DCC: variants seen among roughly 807,000 people sequenced by gnomAD.
DCC encodes netrin receptor DCC.
DCC carries 58 observed loss-of-function variants against 172.5 expected under a neutral mutation model. That is an observed-to-expected ratio of 0.34 (90% confidence interval 0.27 to 0.42). The LOEUF is 0.42. Ranked by LOEUF, DCC falls within the 10% of genes least tolerant of loss-of-function variation. The probability of loss-of-function intolerance (pLI) is 1.00; values close to 1 mark genes in which losing one functional copy is unlikely to be tolerated. For synonymous variants in DCC, 709 were observed against 644.5 expected (o/e 1.10, Z -1.52); for missense variants, 1,740 against 1,791.0 (o/e 0.97, Z 0.51).
At chr18:52,797,268 G>A (rs1360400290) in intron 2 of DCC, among the ~76,000 whole-genome samples, 2 of 151,890 alleles carry the variant, frequency 1.3e-5, no homozygotes, top group African/African-American at 4.8e-5. Flanking sequence ...TCCTGTTTTG[G>A]GGATCTGTTA....
At chr18:53,123,090 G>A (rs1409732372) in intron 7 of DCC, among the ~76,000 whole-genome samples, 2 of 152,052 alleles carry the variant, frequency 1.3e-5, no homozygotes, top group African/African-American at 4.8e-5. Context: ...CACCATGGGA[G>A]ACAGATGTTC....
intron 15 of DCC, among the ~76,000 whole-genome samples, chr18:53,342,712 A>G (rs1301579260): frequency 6.8e-6 from 1 of 146,980 alleles, no homozygotes; most frequent in Non-Finnish European, 1.5e-5. Context: ...AGGAATATAC[A>G]TATATTAGAA....
chr18:53,114,981 C>T (rs1438826997), intron 7 of DCC, among the ~76,000 whole-genome samples: 3 of 151,632 alleles, frequency 2.0e-5, no homozygotes, highest in African/African-American at 7.3e-5. Flanking sequence ...GCATTCTCTG[C>T]GTTGAAAGCT....
At chr18:53,054,185 G>T (rs1383884179) in intron 5 of DCC, among the ~76,000 whole-genome samples, 1 of 151,958 alleles carries the variant, frequency 6.6e-6, no homozygotes, top group East Asian at 1.9e-4. Flanking sequence ...TTATTAAGCT[G>T]CATTTACATA....
intron 12 of DCC, among the ~76,000 whole-genome samples, chr18:53,238,810 C>T (rs1010276083): frequency 2.0e-5 from 3 of 152,040 alleles, no homozygotes; most frequent in Admixed American, 6.6e-5. Context: ...GGTAAATTTT[C>T]CTACATAAAG....
chr18:53,375,616 C>CT (rs1555660824), intron 15 of DCC, among the ~76,000 whole-genome samples: 35,434 of 122,728 alleles, frequency 0.29, 4,872 homozygotes, highest in East Asian at 0.45. Context: ...ATATTTAATT[C>CT]TTTTTTTTTT....
Position 52,923,875 on chromosome 18 carries a change from C to CT in DCC, c.848+24dup, listed in dbSNP as rs765196875. ...CAACTCAGGTATTTCACATTTAAGACTTTTTTGTAAAGTGTACTTTTGTAT... is the reference window on the plus strand; with the variant it reads ...CAACTCAGGTATTTCACATTTAAGACTTTTTTTGTAAAGTGTACTTTTGTAT... On this transcript the variant is annotated intron_variant, in intron 4 of 28. Transcript: ENST00000442544. 38 of 1,600,430 alleles carry CT rather than the reference C, an allele frequency of 2.4e-5. No individual in the cohort carries two copies. The highest frequency in any genetic ancestry group is 3.0e-5 in the Non-Finnish European group (35 of 1,167,982).
At chr18:52,538,983 C>T (rs2032363777) in intron 1 of DCC, among the ~76,000 whole-genome samples, 1 of 152,108 alleles carries the variant, frequency 6.6e-6, no homozygotes, top group Admixed American at 6.5e-5. Context: ...GGCTGATAGA[C>T]ATGTGAGTAA....
rs1352966364 is a variant in DCC at position 53,531,961 on chromosome 18, T to TA, written c.*1309dup. On this transcript the variant is annotated 3_prime_UTR_variant, in exon 29 of 29. Coordinates refer to ENST00000442544, the MANE Select transcript of DCC (RefSeq NM_005215.4). ...TTAAACTTCTATTGCCATGTTTATC[T>TA]ACAGCTTGGAACTAGCTAAAATTAA... 1 of 152,218 alleles carries TA rather than the reference T, an allele frequency of 6.6e-6. No homozygotes were observed. Among genetic ancestry groups the TA allele is most frequent in the Non-Finnish European group, 1.5e-5 (1 of 68,034 alleles). The allele number at this position is 152,218 out of a possible 1,614,324, so 9.4% of individuals were successfully genotyped here.
intron 2 of DCC, among the ~76,000 whole-genome samples, chr18:52,775,996 G>A (rs1463106683): frequency 6.6e-6 from 1 of 152,166 alleles, no homozygotes; most frequent in African/African-American, 2.4e-5. Context: ...CAGCACAATA[G>A]GGAACTTCTT....
At chr18:52,514,736 T>C (rs1005284366) in intron 1 of DCC, among the ~76,000 whole-genome samples, 2 of 152,228 alleles carry the variant, frequency 1.3e-5, no homozygotes, top group African/African-American at 4.8e-5. Flanking sequence ...TGTGATTGGC[T>C]CATTACCATT....
chr18:53,452,852 T>C (rs541406539), intron 23 of DCC, among the ~76,000 whole-genome samples: 3 of 152,000 alleles, frequency 2.0e-5, no homozygotes, highest in Non-Finnish European at 2.9e-5. Flanking sequence ...AAAAAGAAAA[T>C]GTTTCCTTCA....
At chr18:52,409,302 A>T (rs1986763407) in intron 1 of DCC, 1 of 152,168 alleles carries the variant, frequency 6.6e-6, no homozygotes, top group Admixed American at 6.6e-5. Context: ...TTCTGTTGTG[A>T]TTCAGAGTAG....
intron 2 of DCC, among the ~76,000 whole-genome samples, chr18:52,842,480 C>G (rs945323056): frequency 2.0e-5 from 3 of 152,134 alleles, no homozygotes; most frequent in Admixed American, 6.6e-5. Context: ...TATTAAGGCC[C>G]TTAATGGATT....
chr18:52,590,159 GT>G (rs1290417593), intron 1 of DCC, among the ~76,000 whole-genome samples: 2 of 1,842 alleles, frequency 1.1e-3, no homozygotes, highest in Non-Finnish European at 0.01. Context: ...GGTATAAATG[GT>G]GTGTGTGTGT....
chr18:52,821,287 C>T (rs2038402914), intron 2 of DCC, among the ~76,000 whole-genome samples: 3 of 152,156 alleles, frequency 2.0e-5, no homozygotes, highest in Admixed American at 6.5e-5. Context: ...AACATACATT[C>T]CACATGCCCT....
intron 5 of DCC, among the ~76,000 whole-genome samples, chr18:52,990,386 C>A: frequency 6.6e-6 from 1 of 151,720 alleles, no homozygotes; most frequent in South Asian, 2.1e-4. Flanking sequence ...ACTAAAAATA[C>A]AAAGTCAGCC....
chr18:53,419,270 A>G (rs1910494466), intron 21 of DCC, among the ~76,000 whole-genome samples: 1 of 152,190 alleles, frequency 6.6e-6, no homozygotes, highest in Non-Finnish European at 1.5e-5. Flanking sequence ...CATCCCTTGA[A>G]GCATTTATCT....
chr18:53,216,033 C>T (rs1352034391), intron 12 of DCC, among the ~76,000 whole-genome samples: 1 of 152,146 alleles, frequency 6.6e-6, no homozygotes, highest in Non-Finnish European at 1.5e-5. Context: ...CCCATTCTTC[C>T]TTTATAAATG....
Sources: allele counts gnomAD v4.1 joint callset (sites outside exome capture counted in the v4.1 genomes callset), GRCh38; gene constraint gnomAD v4.1.1; transcripts MANE v1.5; gene names NCBI Gene and HGNC (gene_info 2026-07-23, HGNC 2026-07-21).